FAM193A: variants seen among roughly 807,000 people sequenced by gnomAD.
FAM193A encodes protein FAM193A.
Under a neutral mutation model 126.5 loss-of-function variants are expected in FAM193A, and 22 were observed. The observed-to-expected ratio is 0.17, with a 90% CI of 0.12 to 0.25. The LOEUF is 0.25. Among genes scored for constraint, FAM193A ranks in the 10% least tolerant of loss-of-function variants. FAM193A has a pLI of 1.00. For synonymous variants in FAM193A, 761 were observed against 646.8 expected, an observed-to-expected ratio of 1.18 and a Z score of -2.68; for missense variants, 1,675 against 1,672.8, an observed-to-expected ratio of 1.00 and a Z score of -0.02.
At chr4:2,554,516 G>T (rs1420014704) in intron 1 of FAM193A, among the ~76,000 whole-genome samples, 1 of 152,100 alleles carries the variant, frequency 6.6e-6, no homozygotes, top group Admixed American at 6.6e-5. Flanking sequence ...TGTTACATAT[G>T]AACTTAAAAA....
chr4:2,645,923 G>A (rs1577128302), intron 6 of FAM193A, among the ~76,000 whole-genome samples: 1 of 152,284 alleles, frequency 6.6e-6, no homozygotes, highest in South Asian at 2.1e-4. Flanking sequence ...TTGAAAACCA[G>A]ATCTAAATTT....
chr4:2,651,708 G>A (rs900314744), intron 7 of FAM193A, among the ~76,000 whole-genome samples: 8 of 152,234 alleles, frequency 5.3e-5, no homozygotes, highest in Non-Finnish European at 7.3e-5. Flanking sequence ...ATGACGTCAC[G>A]GCAGACGTGG....
chr4:2,555,380 A>G (rs1738189665), intron 1 of FAM193A, among the ~76,000 whole-genome samples: 1 of 152,214 alleles, frequency 6.6e-6, no homozygotes, highest in East Asian at 1.9e-4. Context: ...TTGGGAGGCT[A>G]GAGGTAAATA....
chr4:2,723,334 G>T (rs182863425), intron 20 of FAM193A, among the ~76,000 whole-genome samples: 39 of 151,710 alleles, frequency 2.6e-4, no homozygotes, highest in African/African-American at 9.5e-4. Context: ...ATCCCACTTT[G>T]GGAGGCCAAG....
chr4:2,629,234 G>T (rs1165157848), intron 4 of FAM193A, among the ~76,000 whole-genome samples: 1 of 151,144 alleles, frequency 6.6e-6, no homozygotes, highest in African/African-American at 2.4e-5. Flanking sequence ...AAAAAAAAGA[G>T]ATCTAAGTCC....
rs555427668 is a variant in FAM193A at position 2,642,654 on chromosome 4, G to A, written c.1163+2795G>A. Among the ~76,000 whole-genome samples the A allele has an allele frequency of 1.0e-3, 153 of 152,054 alleles. 1 individual carries two copies. The highest frequency in any genetic ancestry group is 9.9e-3 in the Admixed American group (151 of 15,244). ...CTACCTTAAAAAAAAATATTTTACT[G>A]GTAAGCCAGTGAGTTCCGTCAGCCT... On this transcript the variant is annotated intron_variant, in intron 6 of 20. Coordinates refer to ENST00000637812, the MANE Select transcript of FAM193A (RefSeq NM_001366318.2).
chr4:2,606,743 AATC>A (rs1268078790), intron 2 of FAM193A, among the ~76,000 whole-genome samples: 3 of 152,212 alleles, frequency 2.0e-5, no homozygotes, highest in African/African-American at 7.2e-5. Context: ...ATTTTTAAAA[AATC>A]ATATTTGTTA....
chr4:2,687,639 C>A (rs980198178), intron 13 of FAM193A, among the ~76,000 whole-genome samples: 3 of 152,240 alleles, frequency 2.0e-5, no homozygotes, highest in African/African-American at 7.2e-5. Context: ...TTCCTCCTTT[C>A]CTTGCCACCT....
chr4:2,578,981 G>T (rs1254549041), intron 1 of FAM193A, among the ~76,000 whole-genome samples: 3 of 151,760 alleles, frequency 2.0e-5, no homozygotes, highest in Non-Finnish European at 4.4e-5. Context: ...CTTTATTTTT[G>T]TTGAGGCAGG....
chr4:2,552,178 A>G (rs1737966755), intron 1 of FAM193A, among the ~76,000 whole-genome samples: 1 of 151,366 alleles, frequency 6.6e-6, no homozygotes, highest in Non-Finnish European at 1.5e-5. Context: ...CGCCCGACTA[A>G]TTTTTTGTAT....
chr4:2,585,890 C>A (rs757961166), intron 1 of FAM193A, among the ~76,000 whole-genome samples: 1 of 152,104 alleles, frequency 6.6e-6, no homozygotes, highest in African/African-American at 2.4e-5. Flanking sequence ...GATTGTGCTA[C>A]TGCACACCAG....
intron 20 of FAM193A, among the ~76,000 whole-genome samples, chr4:2,722,681 C>G (rs903687523): frequency 1.3e-5 from 2 of 152,142 alleles, no homozygotes; most frequent in Non-Finnish European, 2.9e-5. Context: ...GGGGATCAGT[C>G]TCATAGAGGC....
intron 13 of FAM193A, among the ~76,000 whole-genome samples, chr4:2,678,304 A>G (rs1156376501): frequency 6.8e-6 from 1 of 147,808 alleles, no homozygotes; most frequent in Non-Finnish European, 1.5e-5. Flanking sequence ...TTTTTATGAT[A>G]CAACTCTTCC....
rs1209707683 is a variant in FAM193A at position 2,639,869 on chromosome 4, C to T, written c.1163+10C>T. On this transcript the variant is annotated intron_variant, in intron 6 of 20. Coordinates refer to ENST00000637812, the MANE Select transcript of FAM193A (RefSeq NM_001366318.2). ...TGGTGTCACAGATCAGGTATTTTGC[C>T]TTAACCCGTATGTGTCTTTGTGGTG... is the stretch of plus-strand genomic sequence containing the variant. 3.1e-6 allele frequency: 5 copies of T among 1,612,652 alleles called. No homozygotes were observed. Among genetic ancestry groups the T allele is most frequent in the Non-Finnish European group, 4.2e-6 (5 of 1,179,330 alleles).
In FAM193A at chr4:2,699,865, G is replaced by T; in HGVS notation, c.3693G>T (p.Arg1231Ser). The change falls in exon 19 of 21, where the codon AGG (arginine) becomes AGT (serine). Residue 1231 changes from arginine (R) to serine (S), a missense_variant. Transcript: ENST00000637812. ...LRAVKKKKKE[R>S]PSKDCPKLDM... ...CTGTAAAAAAGAAGAAGAAGGAGAGGCCAAGTAAAGACTGCCCCAAGTTGG... is the reference window on the plus strand; with the variant it reads ...CTGTAAAAAAGAAGAAGAAGGAGAGTCCAAGTAAAGACTGCCCCAAGTTGG... 1.2e-6 allele frequency: 2 copies of T among 1,613,902 alleles called. No individual in the cohort carries two copies. Among genetic ancestry groups the T allele is most frequent in the Non-Finnish European group, 1.7e-6 (2 of 1,179,928 alleles).
At chr4:2,612,228 G>A (rs988951663) in intron 2 of FAM193A, among the ~76,000 whole-genome samples, 1 of 151,704 alleles carries the variant, frequency 6.6e-6, no homozygotes, top group Non-Finnish European at 1.5e-5. Context: ...CCCTGGCCGG[G>A]CCGTGGCTCA....
intron 1 of FAM193A, among the ~76,000 whole-genome samples, chr4:2,578,151 G>C (rs1045382280): frequency 6.6e-6 from 1 of 152,072 alleles, no homozygotes; most frequent in African/African-American, 2.4e-5. Flanking sequence ...CTGCAGCCTT[G>C]ACTTCCCGGG....
chr4:2,649,006 A>G (rs1166042730), intron 7 of FAM193A, among the ~76,000 whole-genome samples: 4 of 152,204 alleles, frequency 2.6e-5, no homozygotes, highest in East Asian at 1.9e-4. Context: ...GCAAAATGAG[A>G]TAATTATGTT....
Position 2,700,101 on chromosome 4 carries a change from C to T in FAM193A, c.3929C>T (p.Pro1310Leu), listed in dbSNP as rs1474030075. The T allele has an allele frequency of 6.2e-7, 1 of 1,613,810 alleles. No homozygotes were observed. The highest frequency in any genetic ancestry group is 8.5e-7 in the Non-Finnish European group (1 of 1,179,970). The change falls in exon 19 of 21, where the codon CCC becomes CTC. Residue 1310 changes from proline to leucine, a missense_variant. Coordinates refer to ENST00000637812, the MANE Select transcript of FAM193A (RefSeq NM_001366318.2). ...ACCAGAGACTCCAAATTTCTCCTCC[C>T]CAAGGAGGTGAATGGGAAGCAGCAT... is the stretch of plus-strand genomic sequence containing the variant. ...VDTRDSKFLL[P>L]KEVNGKQHEP...
Sources: gnomAD v4.1 joint callset for allele counts (sites outside exome capture counted in the v4.1 genomes callset) on GRCh38, gnomAD v4.1.1 for gene constraint, MANE v1.5 for transcripts, NCBI Gene and HGNC (gene_info 2026-07-23, HGNC 2026-07-21) for gene names.